The following PEX3 variants were observed in gnomAD, a reference collection of about 807,000 sequenced individuals.
PEX3 encodes peroxin-3.
Under a neutral mutation model 55.8 loss-of-function variants are expected in PEX3, and 30 were observed. The observed-to-expected ratio is 0.54, with a 90% confidence interval of 0.40 to 0.73. The LOEUF (loss-of-function observed/expected upper bound fraction) is 0.73. Ranked by LOEUF, PEX3 falls within the 30% of genes least tolerant of loss-of-function variation. PEX3 has a pLI of 0.00. For missense variants in PEX3, 351 were observed against 432.8 expected (o/e 0.81, Z 1.68); for synonymous variants, 135 against 148.4 (o/e 0.91, Z 0.66).
intron 10 of PEX3, among the ~76,000 whole-genome samples, chr6:143,481,814 C>T (rs1053235431): frequency 1.3e-5 from 2 of 151,736 alleles, no homozygotes; most frequent in Non-Finnish European, 2.9e-5. Flanking sequence ...GGCAGGAATT[C>T]AAGACCAGCC....
Position 143,488,807 on chromosome 6 carries a change from C to T in PEX3, c.1039-336C>T, listed in dbSNP as rs1780350684. 6.6e-6 allele frequency among the ~76,000 whole-genome samples: 1 copy of T among 152,026 alleles called. No individual in the cohort carries two copies. The stretch of plus-strand genomic sequence containing the variant: ...TACACCCTTAACCGTGTTATGTCAG[C>T]TTCCAGCAAAAGTACCTTTACTCCT... On this transcript the variant is annotated intron_variant, in intron 11 of 11. Coordinates refer to ENST00000367591, the MANE Select transcript of PEX3 (RefSeq NM_003630.3). This position sits in a 1 kb window ranked among gnomAD's most constrained non-coding sequence, Gnocchi z 4.9.
At chr6:143,473,183 C>T (rs978464521) in intron 8 of PEX3, among the ~76,000 whole-genome samples, 12 of 152,034 alleles carry the variant, frequency 7.9e-5, no homozygotes, top group South Asian at 6.2e-4. Context: ...GCAGGATTTC[C>T]CATTGCCAGA....
At chr6:143,481,166 A>G (rs1279007637) in intron 10 of PEX3, among the ~76,000 whole-genome samples, 1 of 141,670 alleles carries the variant, frequency 7.1e-6, no homozygotes, top group Non-Finnish European at 1.5e-5. Context: ...ATATATATAT[A>G]TATAAAATAT....
Position 143,471,440 on chromosome 6 carries a change from C to T in PEX3, c.514C>T (p.Leu172Phe). Residue 172 changes from leucine (L) to phenylalanine (F), a missense_variant, in exon 6 of 12, where the codon CTT becomes TTT. Coordinates refer to ENST00000367591, the MANE Select transcript of PEX3 (RefSeq NM_003630.3). The surrounding 1 kb of genome is among the most constrained non-coding windows in gnomAD (Gnocchi z 5.4). ...QQYLSSIQHL[L>F]GDGLTELITV... ...GTATTTATCAAGTATTCAGCACCTA[C>T]TTGGAGATGGTAAGATTCTTATTTG... The T allele has an allele frequency of 1.2e-6, 2 of 1,600,622 alleles. No homozygotes were observed. The highest frequency in any genetic ancestry group is 1.7e-6 in the Non-Finnish European group (2 of 1,168,270).
chr6:143,460,864 CAAA>C (rs57329535), intron 2 of PEX3, among the ~76,000 whole-genome samples: 2 of 76,176 alleles, frequency 2.6e-5, no homozygotes, highest in African/African-American at 4.1e-5. Flanking sequence ...AACTCTGTCT[CAAA>C]AAAAAAAAAA....
intron 1 of PEX3, among the ~76,000 whole-genome samples, chr6:143,452,153 A>G (rs938924123): frequency 3.3e-5 from 5 of 152,220 alleles, no homozygotes; most frequent in African/African-American, 1.2e-4. Flanking sequence ...TAATACCTTT[A>G]GCATCAATAG....
intron 1 of PEX3, among the ~76,000 whole-genome samples, chr6:143,456,329 C>T (rs1779844968): frequency 1.3e-5 from 2 of 152,158 alleles, no homozygotes; most frequent in Non-Finnish European, 2.9e-5. Context: ...TACCTGTCCT[C>T]ATTCTTATTT....
rs1486629543 is a variant in PEX3 at position 143,472,602 on chromosome 6, G to C, written c.747+274G>C. Among the ~76,000 whole-genome samples, 4 of 152,154 alleles carry C rather than the reference G, an allele frequency of 2.6e-5. No homozygotes were observed. The East Asian group carries it at 7.7e-4, about 29-fold the overall frequency. ...TATTCTGGAGATGTAAAATGTGTAAGACATGTTCATTACACCTGGGGAACT... is the reference window on the plus strand; with the variant it reads ...TATTCTGGAGATGTAAAATGTGTAACACATGTTCATTACACCTGGGGAACT... On this transcript the variant is annotated intron_variant, in intron 8 of 11. Coordinates refer to ENST00000367591, the MANE Select transcript of PEX3 (RefSeq NM_003630.3).
intron 9 of PEX3, among the ~76,000 whole-genome samples, chr6:143,477,063 G>A (rs192731307): frequency 3.3e-5 from 5 of 152,278 alleles, no homozygotes; most frequent in Non-Finnish European, 7.4e-5. Flanking sequence ...AAAGGCCAAA[G>A]GAGATAAAGA....
chr6:143,472,937 G>A (rs923778630), intron 8 of PEX3, among the ~76,000 whole-genome samples: 1 of 152,184 alleles, frequency 6.6e-6, no homozygotes, highest in African/African-American at 2.4e-5. Context: ...TGTGTCCTGG[G>A]TAGTTGTTAC....
chr6:143,489,267 T>C lies in PEX3; in HGVS notation c.*41T>C, dbSNP rs1016195612. 2 of 1,073,350 alleles carry C rather than the reference T, an allele frequency of 1.9e-6. No homozygotes were observed. Among genetic ancestry groups the C allele is most frequent in the Non-Finnish European group, 2.9e-6 (2 of 686,762 alleles). The allele number at this position is 1,073,350 out of a possible 1,614,324, so 66.5% of individuals were successfully genotyped here. A position where few individuals can be genotyped will look rare whatever the true frequency, so the allele number is the denominator to read the frequency against. ...AAACTACAGTGGGATTCATTTACTT[T>C]TTAAAATACACTGGGTAAATCACCT... On this transcript the variant is annotated 3_prime_UTR_variant, in exon 12 of 12. Transcript: ENST00000367591. This position sits in a 1 kb window ranked among gnomAD's most constrained non-coding sequence, Gnocchi z 5.5.
rs1780206694 is a variant in PEX3, at chr6:143,479,783, T to C, written c.941+585T>C. Among the ~76,000 whole-genome samples the C allele has an allele frequency of 6.6e-6, 1 of 152,238 alleles. No individual in the cohort carries two copies. Among genetic ancestry groups the C allele is most frequent in the Non-Finnish European group, 1.5e-5 (1 of 67,952 alleles). Reference sequence around the variant, plus strand: ...TATGCCATAAGGTATCTTACGGTTTTTTATATCTTTGTTATCCCAACACAA... The same window carrying C: ...TATGCCATAAGGTATCTTACGGTTTCTTATATCTTTGTTATCCCAACACAA... On this transcript the variant is annotated intron_variant, in intron 10 of 11. Coordinates refer to ENST00000367591, the MANE Select transcript of PEX3 (RefSeq NM_003630.3). The surrounding 1 kb of genome is among the most constrained non-coding windows in gnomAD (Gnocchi z 4.6).
chr6:143,468,642 TTTGTTG>T (rs145732071), intron 4 of PEX3, among the ~76,000 whole-genome samples: 9 of 152,136 alleles, frequency 5.9e-5, no homozygotes, highest in South Asian at 2.1e-4. Flanking sequence ...CTATTTGTTT[TTTGTTG>T]TTGTTGTTGT....
At position 143,482,477 on chromosome 6, in the gene PEX3, T is replaced by G. The variant is rs1333072912; in HGVS notation, c.942-2675T>G. Among the ~76,000 whole-genome samples the G allele has an allele frequency of 2.0e-5, 3 of 152,186 alleles. No homozygotes were observed. The highest frequency in any genetic ancestry group is 7.2e-5 in the African/African-American group (3 of 41,566). ...TATAATCAAAATATTATCAAAATTC[T>G]ATTGGAGATTGGAGGATGGTTGATT... On this transcript the variant is annotated intron_variant, in intron 10 of 11. Coordinates refer to ENST00000367591, the MANE Select transcript of PEX3 (RefSeq NM_003630.3). This position sits in a 1 kb window ranked among gnomAD's most constrained non-coding sequence, Gnocchi z 5.5.
At position 143,474,780 on chromosome 6, in the gene PEX3, C is replaced by T; in HGVS notation, c.748-6C>T. On this transcript the variant is annotated splice_region_variant and splice_polypyrimidine_tract_variant and intron_variant, in intron 8 of 11. Transcript: ENST00000367591. ...AAACCTTAAGTGTGACATTTTAATT[C>T]TATAGGCCTGTGGACTTTCTCCTCG... The T allele has an allele frequency of 6.6e-7, 1 of 1,506,252 alleles. No homozygotes were observed. The highest frequency in any genetic ancestry group is 1.7e-5 in the Admixed American group (1 of 59,896). The allele number at this position is 1,506,252 out of a possible 1,614,324, so 93.3% of individuals were successfully genotyped here.
rs1780351396 is a variant in PEX3 at position 143,488,877 on chromosome 6, C to A, written c.1039-266C>A. Among the ~76,000 whole-genome samples the A allele has an allele frequency of 6.6e-6, 1 of 152,072 alleles. No individual in the cohort carries two copies. The highest frequency in any genetic ancestry group is 2.4e-5 in the African/African-American group (1 of 41,440). On this transcript the variant is annotated intron_variant, in intron 11 of 11. Transcript: ENST00000367591. The surrounding 1 kb of genome is among the most constrained non-coding windows in gnomAD (Gnocchi z 4.9). ...ATACCTATCTAGCACTTGACATACACCAAAATTCATTTGAAGACTATTTGG... is the reference window on the plus strand; with the variant it reads ...ATACCTATCTAGCACTTGACATACAACAAAATTCATTTGAAGACTATTTGG...
chr6:143,485,022 G>A lies in PEX3; in HGVS notation c.942-130G>A. On this transcript the variant is annotated intron_variant, in intron 10 of 11. Transcript: ENST00000367591. This position sits in a 1 kb window ranked among gnomAD's most constrained non-coding sequence, Gnocchi z 5.6. ...TGTTATTTCTAAGCGATAGAATTGT[G>A]GGGTTTTTTTTCCTTTTTAATAGAT... The A allele has an allele frequency of 1.4e-6, 1 of 690,264 alleles. No homozygotes were observed. The highest frequency in any genetic ancestry group is 2.6e-6 in the Non-Finnish European group (1 of 384,414). 42.8% of individuals were successfully genotyped at this position (690,264 alleles called of 1,614,324 possible). A position where few individuals can be genotyped will look rare whatever the true frequency, so the allele number is the denominator to read the frequency against.
rs117357688 is a variant in PEX3, at chr6:143,453,457, A to G, written c.73+2342A>G. ...ACTAATTGGTTTACGCGTTTGTATA[A>G]TTTGACCAGTTTGGGGGGTTTGGGT... On this transcript the variant is annotated intron_variant, in intron 1 of 11. Coordinates refer to ENST00000367591, the MANE Select transcript of PEX3 (RefSeq NM_003630.3). This position sits in a 1 kb window ranked among gnomAD's most constrained non-coding sequence, Gnocchi z 4.6. Among the ~76,000 whole-genome samples, 24 of 152,094 alleles carry G rather than the reference A, an allele frequency of 1.6e-4. No individual in the cohort carries two copies. In the East Asian group the frequency reaches 4.6e-3, roughly 29 times the overall value.
chr6:143,485,854 T>G lies in PEX3; in HGVS notation c.1038+606T>G, dbSNP rs193250792. Among the ~76,000 whole-genome samples the G allele has an allele frequency of 1.1e-3, 169 of 152,272 alleles. 2 individuals carry two copies. Among genetic ancestry groups the G allele is most frequent in the African/African-American group, 3.6e-3 (151 of 41,568 alleles). On this transcript the variant is annotated intron_variant, in intron 11 of 11. Transcript: ENST00000367591. This position sits in a 1 kb window ranked among gnomAD's most constrained non-coding sequence, Gnocchi z 5.6. ...ACAAATATTATAAACAAAATAACTT[T>G]GAATTTCTGAGTCATGTGCAAACTT...
Sources: gnomAD v4.1 joint callset for allele counts (sites outside exome capture counted in the v4.1 genomes callset) on GRCh38, gnomAD v4.1.1 for gene constraint, Gnocchi (gnomAD v3.1) non-coding constraint, MANE v1.5 for transcripts, NCBI Gene and HGNC (gene_info 2026-07-23, HGNC 2026-07-21) for gene names.